TMEM163: variants seen among roughly 807,000 people sequenced by gnomAD.
The protein encoded by TMEM163 is transmembrane protein 163.
TMEM163 carries 17 observed loss-of-function variants against 29.3 expected under a neutral mutation model. The ratio of observed to expected loss-of-function variants is 0.58; its 90% CI spans 0.40 to 0.87. TMEM163 has a LOEUF of 0.87. Among genes scored for constraint, TMEM163 ranks in the 40% least tolerant of loss-of-function variants. TMEM163 has a pLI of 0.00. For missense variants in TMEM163, 303 were observed against 381.5 expected, an observed-to-expected ratio of 0.79 and a Z score of 1.71; for synonymous variants, 157 against 160.6, an observed-to-expected ratio of 0.98 and a Z score of 0.17.
intron 4 of TMEM163, among the ~76,000 whole-genome samples, chr2:134,547,795 C>G (rs926837132): frequency 6.6e-6 from 1 of 152,168 alleles, no homozygotes; most frequent in African/African-American, 2.4e-5. Flanking sequence ...TGAGTTTTTG[C>G]CTTTTCGACA....
At chr2:134,684,845 C>A (rs10928509) in intron 2 of TMEM163, among the ~76,000 whole-genome samples, 1 of 151,428 alleles carries the variant, frequency 6.6e-6, no homozygotes, top group African/African-American at 2.4e-5. Flanking sequence ...ATTGCTTGAA[C>A]CCGGGAGGCG....
chr2:134,464,149 A>G (rs1249906005), intron 6 of TMEM163, among the ~76,000 whole-genome samples: 1 of 152,256 alleles, frequency 6.6e-6, no homozygotes, highest in Non-Finnish European at 1.5e-5. Context: ...ACAAGGGCAG[A>G]AACCAACAGC....
chr2:134,647,896 G>A (rs1240705718), intron 2 of TMEM163, among the ~76,000 whole-genome samples: 14 of 152,198 alleles, frequency 9.2e-5, no homozygotes, highest in Admixed American at 1.3e-4. Flanking sequence ...GTGTGGCCCC[G>A]TGGCAGCATC....
At chr2:134,635,651 G>A (rs1489670844) in intron 2 of TMEM163, among the ~76,000 whole-genome samples, 2 of 152,062 alleles carry the variant, frequency 1.3e-5, no homozygotes, top group Non-Finnish European at 2.9e-5. Context: ...ATAAGACAAG[G>A]AAAAAACCAA....
chr2:134,692,862 A>G (rs1355679709), intron 2 of TMEM163, among the ~76,000 whole-genome samples: 1 of 152,110 alleles, frequency 6.6e-6, no homozygotes, highest in Non-Finnish European at 1.5e-5. Flanking sequence ...AGTCCAAAGC[A>G]GTTCCTCTCT....
At chr2:134,675,280 T>A (rs1238118548) in intron 2 of TMEM163, among the ~76,000 whole-genome samples, 1 of 152,200 alleles carries the variant, frequency 6.6e-6, no homozygotes, top group Non-Finnish European at 1.5e-5. Flanking sequence ...AACACTCAGA[T>A]CATGCAGTGA....
At chr2:134,679,271 C>T (rs533638333) in intron 2 of TMEM163, among the ~76,000 whole-genome samples, 14 of 152,318 alleles carry the variant, frequency 9.2e-5, no homozygotes, top group East Asian at 1.9e-4. Flanking sequence ...AGCAGCCCTG[C>T]GGTTCATGAA....
At chr2:134,712,450 C>CT (rs11379189) in intron 2 of TMEM163, among the ~76,000 whole-genome samples, 37,929 of 151,280 alleles carry the variant, frequency 0.25, 5,879 homozygotes, top group African/African-American at 0.42. Context: ...AAAATGCAGT[C>CT]TTTCCCCCGC....
intron 4 of TMEM163, among the ~76,000 whole-genome samples, chr2:134,513,560 C>A (rs151204197): frequency 6.6e-6 from 1 of 152,122 alleles, no homozygotes; most frequent in East Asian, 1.9e-4. Flanking sequence ...AACGTTCTTG[C>A]GAAAAACCAT....
chr2:134,458,146 A>G lies in TMEM163; in HGVS notation c.695T>C (p.Met232Thr), dbSNP rs1686444170. ...DGFNSLVGGV[M>T]GFSILLSAEV... ...CGCGCTCAGAAGAATGGAGAAGCCC[A>G]TCACGCCACCCACGAGGGAGTTAAA... is the stretch of plus-strand genomic sequence containing the variant. Residue 232 changes from methionine to threonine, a missense_variant, in exon 7 of 8, where the codon ATG becomes ACG. Met to Thr is a moderately conservative substitution (Grantham distance 81). Coordinates refer to ENST00000281924, the MANE Select transcript of TMEM163 (RefSeq NM_030923.5). 1 of 1,614,196 alleles carries G rather than the reference A, an allele frequency of 6.2e-7. No homozygotes were observed. Among genetic ancestry groups the G allele is most frequent in the Non-Finnish European group, 8.5e-7 (1 of 1,180,036 alleles).
chr2:134,607,020 G>A lies in TMEM163; in HGVS notation c.323-54929C>T, dbSNP rs1169353464. 4.7e-4 allele frequency among the ~76,000 whole-genome samples: 67 copies of A among 141,140 alleles called. 1 individual carries two copies. The South Asian group carries it at 0.017, about 36-fold the overall frequency. The allele number at this position is 141,140 out of a possible 152,430, so 92.6% of individuals were successfully genotyped here. ...TGTGCTGGTGAAAAGGACAGACCCC[G>A]AGAACTGTGCTGGTGAAAAGGACAG... On this transcript the variant is annotated intron_variant, in intron 2 of 7. Coordinates refer to ENST00000281924, the MANE Select transcript of TMEM163 (RefSeq NM_030923.5).
At chr2:134,532,763 A>C (rs1680442825) in intron 4 of TMEM163, among the ~76,000 whole-genome samples, 1 of 152,180 alleles carries the variant, frequency 6.6e-6, no homozygotes, top group African/African-American at 2.4e-5. Context: ...TGCTGGCTTC[A>C]TGTGCATATC....
chr2:134,595,491 A>T (rs1196105656), intron 2 of TMEM163, among the ~76,000 whole-genome samples: 4 of 152,164 alleles, frequency 2.6e-5, no homozygotes, highest in African/African-American at 7.2e-5. Context: ...TATATGTGCC[A>T]CATTTTCTTA....
chr2:134,599,391 G>T (rs1054528512), intron 2 of TMEM163, among the ~76,000 whole-genome samples: 2 of 152,156 alleles, frequency 1.3e-5, no homozygotes, highest in Non-Finnish European at 2.9e-5. Flanking sequence ...TTTGGTAGGT[G>T]ATTAGGTCAT....
intron 2 of TMEM163, among the ~76,000 whole-genome samples, chr2:134,577,076 T>C (rs1295604712): frequency 6.6e-6 from 1 of 152,170 alleles, no homozygotes. Flanking sequence ...TACCCCAGTA[T>C]GAGGCTGAGA....
chr2:134,609,930 G>C (rs191031523), intron 2 of TMEM163, among the ~76,000 whole-genome samples: 165 of 152,180 alleles, frequency 1.1e-3, no homozygotes, highest in African/African-American at 3.7e-3. Flanking sequence ...GGGCACAGAA[G>C]GGCTGAGGAA....
chr2:134,560,098 G>A (rs535251893), intron 2 of TMEM163, among the ~76,000 whole-genome samples: 146 of 152,210 alleles, frequency 9.6e-4, no homozygotes, highest in African/African-American at 3.3e-3. Flanking sequence ...AGCCTGGCCT[G>A]CTCCCTCCCC....
intron 5 of TMEM163, among the ~76,000 whole-genome samples, chr2:134,482,077 T>G (rs1679204686): frequency 6.6e-6 from 1 of 152,186 alleles, no homozygotes; most frequent in African/African-American, 2.4e-5. Context: ...AAAGAAAATG[T>G]TTCTAGCTGG....
At chr2:134,708,541 C>T (rs1053385204) in intron 2 of TMEM163, among the ~76,000 whole-genome samples, 5 of 151,526 alleles carry the variant, frequency 3.3e-5, no homozygotes, top group Admixed American at 3.3e-4. Context: ...AAATCTACAG[C>T]TGCACCTAAT....
Sources: gnomAD v4.1 joint callset for allele counts (sites outside exome capture counted in the v4.1 genomes callset) on GRCh38, gnomAD v4.1.1 for gene constraint, MANE v1.5 for transcripts, NCBI Gene and HGNC (gene_info 2026-07-23, HGNC 2026-07-21) for gene names.